Variants in NR6A1 observed in about 807,000 individuals in gnomAD.
NR6A1 encodes the protein nuclear receptor subfamily 6 group A member 1.
A neutral mutation model predicts 59.1 loss-of-function variants in NR6A1; 7 were observed. The observed-to-expected ratio is 0.12, with a 90% confidence interval of 0.07 to 0.22. The LOEUF (loss-of-function observed/expected upper bound fraction) is 0.22. NR6A1 is among the 10% of genes least tolerant of loss of function. The pLI is 1.00. For synonymous variants in NR6A1, 243 were observed against 236.1 expected (o/e 1.03, Z -0.27); for missense variants, 468 against 611.6 (o/e 0.77, Z 2.48).
chr9:124,686,927 A>G (rs1462268079), intron 2 of NR6A1, among the ~76,000 whole-genome samples: 1 of 150,850 alleles, frequency 6.6e-6, no homozygotes, highest in Non-Finnish European at 1.5e-5. Flanking sequence ...TGGTCTTGAA[A>G]TCCTGGGCTC....
chr9:124,577,275 T>TC lies in NR6A1; in HGVS notation c.143-22706dup, dbSNP rs1375917904. ...TTTAGGAAAGTGTATGCACACTTTT[T>TC]CCCACACAAAAAAATTCTTTGAGTC... is the stretch of plus-strand genomic sequence containing the variant. On this transcript the variant is annotated intron_variant, in intron 2 of 9. Transcript: ENST00000487099. 5.3e-5 allele frequency among the ~76,000 whole-genome samples: 8 copies of TC among 152,314 alleles called. No individual in the cohort carries two copies. The East Asian group carries it at 1.5e-3, about 29-fold the overall frequency.
In NR6A1 at chr9:124,642,293, G is replaced by A. The variant is rs989125475; in HGVS notation, c.143-87723C>T. Among the ~76,000 whole-genome samples, 6 of 152,232 alleles carry A rather than the reference G, an allele frequency of 3.9e-5. No individual in the cohort carries two copies. In the East Asian group the frequency reaches 5.8e-4, roughly 15 times the overall value. On this transcript the variant is annotated intron_variant, in intron 2 of 9. Transcript: ENST00000487099. ...TCGAACTCCTGACCTCGGGTGATCC[G>A]CCCACCTTGGCCTCCCAAAGTGCTG...
chr9:124,548,280 T>G, intron 3 of NR6A1, among the ~76,000 whole-genome samples: 1 of 152,350 alleles, frequency 6.6e-6, no homozygotes, highest in East Asian at 1.9e-4. Context: ...CTTGAAATTA[T>G]TTAAAAATAA....
At chr9:124,551,343 A>G (rs1833772183) in intron 3 of NR6A1, among the ~76,000 whole-genome samples, 1 of 152,222 alleles carries the variant, frequency 6.6e-6, no homozygotes, top group Admixed American at 6.5e-5. Context: ...ACATATTGAT[A>G]CACTGATTCC....
chr9:124,644,352 A>G (rs556461889), intron 2 of NR6A1, among the ~76,000 whole-genome samples: 1 of 131,468 alleles, frequency 7.6e-6, no homozygotes, highest in East Asian at 2.3e-4. Flanking sequence ...CCTGGGTTCA[A>G]GCAATTTTCC....
intron 1 of NR6A1, chr9:124,770,282 CAG>C (rs1387836589): frequency 1.3e-5 from 2 of 152,082 alleles, no homozygotes; most frequent in Non-Finnish European, 2.9e-5. Flanking sequence ...GGAGACCGGC[CAG>C]AGCGCGCGGG....
At chr9:124,565,772 A>G (rs538059142) in intron 2 of NR6A1, among the ~76,000 whole-genome samples, 1 of 152,360 alleles carries the variant, frequency 6.6e-6, no homozygotes, top group South Asian at 2.1e-4. Flanking sequence ...TAAAACCACA[A>G]TGAGATATTA....
At chr9:124,546,837 T>C (rs1171647258) in intron 3 of NR6A1, among the ~76,000 whole-genome samples, 1 of 152,226 alleles carries the variant, frequency 6.6e-6, no homozygotes, top group Non-Finnish European at 1.5e-5. Flanking sequence ...ATGTATGTTA[T>C]CTCATGTGAT....
intron 2 of NR6A1, among the ~76,000 whole-genome samples, chr9:124,703,598 T>C (rs897210586): frequency 6.6e-6 from 1 of 152,176 alleles, no homozygotes; most frequent in African/African-American, 2.4e-5. Flanking sequence ...TTAAATCCCA[T>C]TTGGTCATGG....
rs952321319 is a variant in NR6A1, at chr9:124,651,596, T to C, written c.142+81712A>G. On this transcript the variant is annotated intron_variant, in intron 2 of 9. Coordinates refer to ENST00000487099, the MANE Select transcript of NR6A1 (RefSeq NM_033334.4). ...CAGTGGTTCCCTTCTCCCTTTCTTT[T>C]TGCCCAATCTACTTTGCCATCTTTG... Among the ~76,000 whole-genome samples the C allele has an allele frequency of 3.9e-5, 6 of 152,338 alleles. No individual in the cohort carries two copies. The South Asian group carries it at 1.2e-3, about 32-fold the overall frequency.
At chr9:124,736,996 CAG>C (rs1564260544) in intron 1 of NR6A1, among the ~76,000 whole-genome samples, 1 of 151,974 alleles carries the variant, frequency 6.6e-6, no homozygotes, top group African/African-American at 2.4e-5. Context: ...TAGATTATAG[CAG>C]AGTTACTATT....
chr9:124,584,666 T>C (rs990745771), intron 2 of NR6A1, among the ~76,000 whole-genome samples: 1 of 152,192 alleles, frequency 6.6e-6, no homozygotes, highest in Non-Finnish European at 1.5e-5. Context: ...AAATGTTGTA[T>C]GTGTTCTGAC....
In NR6A1 at chr9:124,729,882, G is replaced by A. The variant is rs575149277; in HGVS notation, c.142+3426C>T. ...GGCTGGAGTGCAATGGCACGATCTC[G>A]GCTTACCGCAACCTCCACCTCCCAG... On this transcript the variant is annotated intron_variant, in intron 2 of 9. Transcript: ENST00000487099. Among the ~76,000 whole-genome samples, 54 of 150,288 alleles carry A rather than the reference G, an allele frequency of 3.6e-4. No homozygotes were observed. The South Asian group carries it at 3.8e-3, about 11-fold the overall frequency.
intron 2 of NR6A1, among the ~76,000 whole-genome samples, chr9:124,646,552 C>T (rs1260794507): frequency 2.0e-5 from 3 of 152,050 alleles, no homozygotes; most frequent in African/African-American, 4.8e-5. Flanking sequence ...AATTTGATAA[C>T]CTAGATCAGA....
At chr9:124,539,479 A>G (rs1474178609) in intron 5 of NR6A1, among the ~76,000 whole-genome samples, 1 of 152,216 alleles carries the variant, frequency 6.6e-6, no homozygotes, top group African/African-American at 2.4e-5. Flanking sequence ...ATCCTATAAG[A>G]AAGGTTTCTG....
In NR6A1 at chr9:124,616,402, CAAAAAAAAAAA is replaced by C. The variant is rs71372978; in HGVS notation, c.143-61843_143-61833del. 2.2e-3 allele frequency among the ~76,000 whole-genome samples: 150 copies of C among 68,328 alleles called. 1 individual carries two copies. The highest frequency in any genetic ancestry group is 6.1e-3 in the African/African-American group (146 of 23,840). The allele number at this position is 68,328 out of a possible 152,430, so 44.8% of individuals were successfully genotyped here. A position where few individuals can be genotyped will look rare whatever the true frequency, so the allele number is the denominator to read the frequency against. ...TGGGCGACAAAGCGGGACTCCATCT[CAAAAAAAAAAA>C]AAAAAAAAGAAAAGAACTAGAACTA... On this transcript the variant is annotated intron_variant, in intron 2 of 9. Coordinates refer to ENST00000487099, the MANE Select transcript of NR6A1 (RefSeq NM_033334.4).
At chr9:124,710,233 C>T (rs1839237272) in intron 2 of NR6A1, among the ~76,000 whole-genome samples, 1 of 152,110 alleles carries the variant, frequency 6.6e-6, no homozygotes, top group South Asian at 2.1e-4. Flanking sequence ...TTCTCGATGA[C>T]ATAGAACTTC....
intron 2 of NR6A1, among the ~76,000 whole-genome samples, chr9:124,649,920 G>A (rs911953158): frequency 6.6e-6 from 1 of 152,044 alleles, no homozygotes; most frequent in African/African-American, 2.4e-5. Flanking sequence ...CCATTAAAAT[G>A]GCTATTATAA....
intron 2 of NR6A1, among the ~76,000 whole-genome samples, chr9:124,620,933 T>C (rs1309053078): frequency 6.6e-6 from 1 of 152,098 alleles, no homozygotes; most frequent in Non-Finnish European, 1.5e-5. Context: ...CTCCTAACTA[T>C]CATGTGAGGC....
Sources: gnomAD v4.1 joint callset for allele counts (sites outside exome capture counted in the v4.1 genomes callset) on GRCh38, gnomAD v4.1.1 for gene constraint, MANE v1.5 for transcripts, NCBI Gene and HGNC (gene_info 2026-07-23, HGNC 2026-07-21) for gene names.